NEGR1: variants seen among roughly 807,000 people sequenced by gnomAD.
The protein encoded by NEGR1 is neuronal growth regulator 1.
In NEGR1, 10 loss-of-function variants were observed where a neutral mutation model predicts 40.9. The ratio of observed to expected loss-of-function variants is 0.24; its 90% CI spans 0.15 to 0.42. The LOEUF is 0.42. Among genes scored for constraint, NEGR1 ranks in the 10% least tolerant of loss-of-function variants. The pLI is 1.00. For synonymous variants in NEGR1, 185 were observed against 166.8 expected (o/e 1.11, Z -0.84); for missense variants, 352 against 438.9 (o/e 0.80, Z 1.77).
chr1:71,656,847 C>T (rs1428215417), intron 4 of NEGR1, among the ~76,000 whole-genome samples: 1 of 152,122 alleles, frequency 6.6e-6, no homozygotes, highest in Non-Finnish European at 1.5e-5. Flanking sequence ...TACCTGGATG[C>T]ATCTTGTTAG....
intron 1 of NEGR1, among the ~76,000 whole-genome samples, chr1:72,248,575 T>TTTATTTTTA (rs1553153653): frequency 7.5e-6 from 1 of 132,962 alleles, no homozygotes; most frequent in Non-Finnish European, 1.6e-5. Context: ...TCTATTTTTA[T>TTTATTTTTA]TTATTATTAT....
Position 72,009,154 on chromosome 1 carries a change from T to C in NEGR1, c.177-73843A>G, listed in dbSNP as rs545877899. ...ATGAAATAATATATTTGTCAAAATATTTTATATGATATCATCATGTAGTAG... is the reference window on the plus strand; with the variant it reads ...ATGAAATAATATATTTGTCAAAATACTTTATATGATATCATCATGTAGTAG... On this transcript the variant is annotated intron_variant, in intron 1 of 6. Transcript: ENST00000357731. 8.5e-5 allele frequency among the ~76,000 whole-genome samples: 13 copies of C among 152,192 alleles called. No individual in the cohort carries two copies. The East Asian group carries it at 2.5e-3, about 29-fold the overall frequency.
At chr1:72,137,839 C>G (rs1309848922) in intron 1 of NEGR1, among the ~76,000 whole-genome samples, 7 of 151,958 alleles carry the variant, frequency 4.6e-5, no homozygotes, top group Admixed American at 4.6e-4. Flanking sequence ...TACAGAAGAC[C>G]ACTTGTGTTA....
chr1:72,123,459 T>C (rs1201770751), intron 1 of NEGR1, among the ~76,000 whole-genome samples: 1 of 151,714 alleles, frequency 6.6e-6, no homozygotes, highest in Admixed American at 6.6e-5. Context: ...TGATGAGAAA[T>C]TGCAACTACA....
chr1:71,951,478 A>C (rs1046362409), intron 1 of NEGR1, among the ~76,000 whole-genome samples: 1 of 152,036 alleles, frequency 6.6e-6, no homozygotes, highest in African/African-American at 2.4e-5. Flanking sequence ...CAATACTTCA[A>C]AATGAATTAA....
At chr1:71,874,316 C>T (rs1343332185) in intron 2 of NEGR1, among the ~76,000 whole-genome samples, 6 of 152,052 alleles carry the variant, frequency 3.9e-5, no homozygotes, top group Non-Finnish European at 8.8e-5. Context: ...ATAGAAGAAT[C>T]GAACACTGTA....
chr1:71,483,766 C>A (rs1646869348), intron 6 of NEGR1, among the ~76,000 whole-genome samples: 2 of 151,698 alleles, frequency 1.3e-5, no homozygotes, highest in Non-Finnish European at 2.9e-5. Flanking sequence ...TGTTAAAAGG[C>A]AACTGTCAGT....
At chr1:71,976,824 AC>A (rs1646309276) in intron 1 of NEGR1, among the ~76,000 whole-genome samples, 2 of 152,182 alleles carry the variant, frequency 1.3e-5, no homozygotes, top group South Asian at 4.1e-4. Flanking sequence ...CAAGAAAAAA[AC>A]AGTGTATTTT....
intron 1 of NEGR1, among the ~76,000 whole-genome samples, chr1:72,059,118 C>A (rs1647141823): frequency 6.6e-6 from 1 of 151,662 alleles, no homozygotes; most frequent in South Asian, 2.1e-4. Context: ...TTGCTTTTCT[C>A]TTACTTTCAA....
chr1:71,963,123 G>A (rs918844161), intron 1 of NEGR1, among the ~76,000 whole-genome samples: 3 of 151,804 alleles, frequency 2.0e-5, no homozygotes, highest in African/African-American at 7.3e-5. Context: ...CAGAAATAGG[G>A]TAATCCTATA....
Position 72,278,684 on chromosome 1 carries a change from GAT to G in NEGR1, c.176+3633_176+3634del, listed in dbSNP as rs1486677734. The stretch of plus-strand genomic sequence containing the variant: ...TTCTAGCACTTCCTGTTCTCTACTA[GAT>G]CAGCCCATGACACATTAACTCAGAT... On this transcript the variant is annotated intron_variant, in intron 1 of 6. Transcript: ENST00000357731. Among the ~76,000 whole-genome samples the G allele has an allele frequency of 5.9e-5, 9 of 151,906 alleles. No individual in the cohort carries two copies. In the South Asian group the frequency reaches 1.7e-3, roughly 28 times the overall value.
chr1:71,743,932 A>G (rs983832194), intron 3 of NEGR1, among the ~76,000 whole-genome samples: 2 of 152,158 alleles, frequency 1.3e-5, no homozygotes, highest in African/African-American at 4.8e-5. Flanking sequence ...AAATAACTCA[A>G]TGTTTTCTGT....
intron 1 of NEGR1, among the ~76,000 whole-genome samples, chr1:72,116,704 C>A (rs554235329): frequency 1.3e-5 from 2 of 151,728 alleles, no homozygotes; most frequent in East Asian, 3.9e-4. Context: ...AACTTAAAAA[C>A]ACATTTCTAT....
At chr1:72,004,633 T>A (rs1236912776) in intron 1 of NEGR1, among the ~76,000 whole-genome samples, 1 of 152,154 alleles carries the variant, frequency 6.6e-6, no homozygotes, top group Non-Finnish European at 1.5e-5. Flanking sequence ...AATTATGCAT[T>A]ACATTTTTAT....
At chr1:72,274,708 C>T (rs969791537) in intron 1 of NEGR1, 2 of 1,004,454 alleles carry the variant, frequency 2.0e-6, no homozygotes, top group Non-Finnish European at 3.2e-6. Context: ...AATCATTGTG[C>T]AGAATGGAAA....
chr1:71,858,626 T>C (rs930385122), intron 2 of NEGR1, among the ~76,000 whole-genome samples: 3 of 152,076 alleles, frequency 2.0e-5, no homozygotes, highest in African/African-American at 7.2e-5. Context: ...GGACATCAAA[T>C]GCAGGCTCCT....
chr1:72,075,358 A>G (rs1311952600), intron 1 of NEGR1, among the ~76,000 whole-genome samples: 2 of 152,194 alleles, frequency 1.3e-5, no homozygotes, highest in Non-Finnish European at 2.9e-5. Flanking sequence ...AGTGAGGTAG[A>G]GTCCTTTTAC....
At chr1:71,500,754 G>A (rs1336457448) in intron 6 of NEGR1, among the ~76,000 whole-genome samples, 1 of 151,908 alleles carries the variant, frequency 6.6e-6, no homozygotes, top group Non-Finnish European at 1.5e-5. Context: ...TATATAAAAT[G>A]TTGTAGTATA....
chr1:71,882,726 G>GAAA (rs199916045), intron 2 of NEGR1, among the ~76,000 whole-genome samples: 3 of 120,304 alleles, frequency 2.5e-5, no homozygotes, highest in East Asian at 2.3e-4. Context: ...ATCGTCTTCA[G>GAAA]AAAAAAAAAA....
Sources: gnomAD v4.1 joint callset for allele counts (sites outside exome capture counted in the v4.1 genomes callset) on GRCh38, gnomAD v4.1.1 for gene constraint, MANE v1.5 for transcripts, NCBI Gene and HGNC (gene_info 2026-07-23, HGNC 2026-07-21) for gene names.